The following TENM2 variants were observed in gnomAD, a reference collection of about 807,000 sequenced individuals.
The protein encoded by TENM2 is teneurin-2.
Under a neutral mutation model 245.2 loss-of-function variants are expected in TENM2, and 52 were observed. The ratio of observed to expected loss-of-function variants is 0.21; its 90% CI spans 0.17 to 0.27. The LOEUF is 0.27. Ranked by LOEUF, TENM2 falls within the 10% of genes least tolerant of loss-of-function variation. TENM2 has a pLI of 1.00. For missense variants in TENM2, 3,046 were observed against 3,666.8 expected (o/e 0.83, Z 4.37); for synonymous variants, 1,363 against 1,438.9 (o/e 0.95, Z 1.19).
the TENM2 span, among the ~76,000 whole-genome samples, chr5:167,243,473 A>G: frequency 8.1e-4 from 123 of 151,994 alleles, no homozygotes; most frequent in African/African-American, 2.8e-3. Context: ...AGCCATGGGA[A>G]AAAAGAAAAA....
chr5:167,978,076 C>A (rs1401362340), intron 4 of TENM2, among the ~76,000 whole-genome samples: 2 of 152,186 alleles, frequency 1.3e-5, no homozygotes, highest in Non-Finnish European at 2.9e-5. Flanking sequence ...TCCCCTTCCC[C>A]TCTGCCATGA....
intron 5 of TENM2, among the ~76,000 whole-genome samples, chr5:168,021,766 A>G (rs992510801): frequency 6.3e-5 from 9 of 143,054 alleles, no homozygotes; most frequent in Non-Finnish European, 1.3e-4. Context: ...TGTCCTACAT[A>G]TTTGAAATCT....
At chr5:166,987,109 G>A in the TENM2 span, among the ~76,000 whole-genome samples, 1 of 152,092 alleles carries the variant, frequency 6.6e-6, no homozygotes, top group African/African-American at 2.4e-5. Context: ...TATATGAGGG[G>A]CACTGGTTCT....
chr5:167,346,586 G>C lies in TENM2; in HGVS notation c.227-28612G>C, dbSNP rs1758469172. On this transcript the variant is annotated intron_variant, in intron 1 of 28. Coordinates refer to ENST00000518659, the Ensembl canonical transcript of TENM2. ...TGATAATCAGTGATAAATTGCTCTT[G>C]TAGCCTCTGCCAAGAACTGTGACGG... Among the ~76,000 whole-genome samples, 4 of 152,208 alleles carry C rather than the reference G, an allele frequency of 2.6e-5. No homozygotes were observed. The South Asian group carries it at 8.3e-4, about 32-fold the overall frequency.
At chr5:167,435,306 GGA>G (rs1157594002) in intron 2 of TENM2, among the ~76,000 whole-genome samples, 1 of 152,136 alleles carries the variant, frequency 6.6e-6, no homozygotes, top group African/African-American at 2.4e-5. Context: ...GAACCTGGTG[GGA>G]TGTGTTTGAA....
intron 2 of TENM2, among the ~76,000 whole-genome samples, chr5:167,722,058 C>T (rs1194305320): frequency 1.3e-5 from 2 of 152,134 alleles, no homozygotes; most frequent in African/African-American, 2.4e-5. Flanking sequence ...CCAATGATGG[C>T]TGGTGGAGGT....
chr5:167,185,636 T>TA, the TENM2 span, among the ~76,000 whole-genome samples: 2 of 152,134 alleles, frequency 1.3e-5, no homozygotes, highest in Non-Finnish European at 2.9e-5. Flanking sequence ...TAGTCTTATA[T>TA]AAACTTTATG....
chr5:167,596,594 C>T (rs899792667), intron 2 of TENM2, among the ~76,000 whole-genome samples: 1 of 152,000 alleles, frequency 6.6e-6, no homozygotes, highest in Non-Finnish European at 1.5e-5. Flanking sequence ...GAGATCAAGA[C>T]CATCCTGGCT....
chr5:168,058,793 T>C (rs1789784249), intron 6 of TENM2, among the ~76,000 whole-genome samples: 1 of 152,244 alleles, frequency 6.6e-6, no homozygotes, highest in Non-Finnish European at 1.5e-5. Context: ...ATCCTTTTTT[T>C]CATTCCATGT....
chr5:167,210,380 G>T, the TENM2 span, among the ~76,000 whole-genome samples: 31 of 150,382 alleles, frequency 2.1e-4, 1 homozygote, highest in East Asian at 5.9e-3. Flanking sequence ...TACCTAAAAA[G>T]AAATTAATTT....
chr5:167,162,139 T>C, the TENM2 span, among the ~76,000 whole-genome samples: 180 of 148,768 alleles, frequency 1.2e-3, 1 homozygote, highest in African/African-American at 4.3e-3. Flanking sequence ...ACCACTGCAC[T>C]CCAGCCTGGG....
At chr5:167,144,616 G>T in the TENM2 span, among the ~76,000 whole-genome samples, 3,538 of 152,174 alleles carry the variant, frequency 0.023, 128 homozygotes, top group African/African-American at 0.081. Context: ...ACAAGAAAGC[G>T]GCAGGATCCA....
At chr5:167,192,737 A>C in the TENM2 span, among the ~76,000 whole-genome samples, 2 of 152,096 alleles carry the variant, frequency 1.3e-5, no homozygotes, top group African/African-American at 4.8e-5. Flanking sequence ...CGCTATGGTT[A>C]GGAAATCTCA....
intron 2 of TENM2, among the ~76,000 whole-genome samples, chr5:167,482,983 T>G (rs1283410921): frequency 6.6e-6 from 1 of 152,206 alleles, no homozygotes; most frequent in Non-Finnish European, 1.5e-5. Flanking sequence ...TACGTTAAAT[T>G]CAGCTTCTTT....
At chr5:168,014,815 A>G (rs1785525534) in intron 5 of TENM2, among the ~76,000 whole-genome samples, 2 of 152,178 alleles carry the variant, frequency 1.3e-5, no homozygotes, top group Non-Finnish European at 2.9e-5. Context: ...CTCATGAGTG[A>G]CAGTGGTTCT....
the TENM2 span, among the ~76,000 whole-genome samples, chr5:167,235,153 CT>C: frequency 6.6e-6 from 1 of 152,162 alleles, no homozygotes; most frequent in Non-Finnish European, 1.5e-5. Context: ...GCTTTTTCCC[CT>C]GTCTTCACAT....
Position 168,146,083 on chromosome 5 carries a change from G to A in TENM2, c.2423-16528G>A, listed in dbSNP as rs567831049. On this transcript the variant is annotated intron_variant, in intron 12 of 28. Transcript: ENST00000518659. ...TATCAGCTTAAGGAGATTTTGGGCTGAGACAATGGGGTTTTCTAGGTATAC... is the reference window on the plus strand; with the variant it reads ...TATCAGCTTAAGGAGATTTTGGGCTAAGACAATGGGGTTTTCTAGGTATAC... Among the ~76,000 whole-genome samples, 780 of 150,410 alleles carry A rather than the reference G, an allele frequency of 5.2e-3. 8 individuals carry two copies. Among genetic ancestry groups the A allele is most frequent in the African/African-American group, 0.019 (759 of 40,734 alleles).
At chr5:167,056,582 A>AAT in the TENM2 span, among the ~76,000 whole-genome samples, 1 of 145,588 alleles carries the variant, frequency 6.9e-6, no homozygotes, top group South Asian at 2.1e-4. Flanking sequence ...TATCTATATA[A>AAT]ATATATCTAT....
intron 4 of TENM2, among the ~76,000 whole-genome samples, chr5:167,989,374 G>A (rs1783500983): frequency 6.6e-6 from 1 of 152,134 alleles, no homozygotes; most frequent in Non-Finnish European, 1.5e-5. Context: ...TGGTTGGAAG[G>A]TGGATAGGAG....
Sources: gnomAD v4.1 joint callset for allele counts (sites outside exome capture counted in the v4.1 genomes callset) on GRCh38, gnomAD v4.1.1 for gene constraint, MANE v1.5 for transcripts, NCBI Gene and HGNC (gene_info 2026-07-23, HGNC 2026-07-21) for gene names.